RMDN2: variants seen among roughly 807,000 people sequenced by gnomAD.
RMDN2 encodes regulator of microtubule dynamics 2.
RMDN2 carries 61 observed loss-of-function variants against 52.8 expected under a neutral mutation model. The ratio of observed to expected loss-of-function variants is 1.16; its 90% confidence interval spans 0.94 to 1.43. The LOEUF (loss-of-function observed/expected upper bound fraction) is 1.43, where lower values mean the gene tolerates loss of function less well. RMDN2 is among the 40% of genes most tolerant of loss of function. The probability of loss-of-function intolerance (pLI) is 0.00; values close to 1 mark genes in which losing one functional copy is unlikely to be tolerated. For synonymous variants in RMDN2, 180 were observed against 153.1 expected (o/e 1.18, Z -1.30); for missense variants, 592 against 475.3 (o/e 1.25, Z -2.28).
chr2:37,992,274 G>A (rs1412384194), intron 7 of RMDN2, among the ~76,000 whole-genome samples: 1 of 152,150 alleles, frequency 6.6e-6, no homozygotes, highest in African/African-American at 2.4e-5. Context: ...TCTTTATATT[G>A]TGTTACGTAC....
chr2:37,928,708 CCCA>C (rs1666480867), intron 1 of RMDN2: 1 of 152,322 alleles, frequency 6.6e-6, no homozygotes, highest in Non-Finnish European at 1.5e-5. Flanking sequence ...TGCGATAGAG[CCCA>C]CCTCCTTTGC....
rs1400175987 is a variant in RMDN2 at position 37,932,348 on chromosome 2, A to C, written c.452+2619A>C. ...AATCCATTCAACCCTGGGTGGATAC[A>C]GCACATGTTTCAGAGAGCACAGGGT... On this transcript the variant is annotated intron_variant, in intron 2 of 10. Coordinates refer to ENST00000354545, the MANE Select transcript of RMDN2 (RefSeq NM_001170791.3). Among the ~76,000 whole-genome samples the C allele has an allele frequency of 6.8e-4, 103 of 152,196 alleles. 1 individual carries two copies. The highest frequency in any genetic ancestry group is 7.8e-4 in the Non-Finnish European group (53 of 68,030).
intron 10 of RMDN2, among the ~76,000 whole-genome samples, chr2:38,054,920 C>T (rs1233971041): frequency 2.0e-5 from 3 of 152,098 alleles, no homozygotes; most frequent in Non-Finnish European, 4.4e-5. Flanking sequence ...ACAAAGGGCT[C>T]CAAGTGTCCC....
chr2:38,004,140 AT>A lies in RMDN2; in HGVS notation c.1104del (p.Tyr368Ter). On this transcript the variant is annotated frameshift_variant, in exon 10 of 11. Coordinates refer to ENST00000354545, the MANE Select transcript of RMDN2 (RefSeq NM_001170791.3). LOFTEE classifies it high-confidence loss of function. ...NPNYMYLAKCYTDLEENQNAL... is the reference protein window; with the variant it reads ...NPNYMYLAKCXTDLEENQNAL... ...TTGGTTATTTCTCATTTCCAGTGTT[AT>A]ACTGATCTTGAGGAAAACCAGAATG... The A allele has an allele frequency of 6.2e-7, 1 of 1,613,542 alleles. No homozygotes were observed. Among genetic ancestry groups the A allele is most frequent in the Non-Finnish European group, 8.5e-7 (1 of 1,179,576 alleles).
rs141113402 is a variant in RMDN2, at chr2:38,009,178, A to T, written c.1179+4962A>T. Among the ~76,000 whole-genome samples, 138 of 152,050 alleles carry T rather than the reference A, an allele frequency of 9.1e-4. 1 individual carries two copies. The East Asian group carries it at 0.023, about 25-fold the overall frequency. On this transcript the variant is annotated intron_variant, in intron 10 of 10. Transcript: ENST00000354545. ...CAACTTTGGTGAATCTGACAATTAC[A>T]TGTCTTGGAGTTAGTCTTCTCGAGG...
intron 4 of RMDN2, among the ~76,000 whole-genome samples, chr2:37,978,857 A>G (rs943589022): frequency 2.6e-5 from 4 of 152,182 alleles, no homozygotes; most frequent in South Asian, 2.1e-4. Flanking sequence ...AAAGGAGAAT[A>G]TGATGGCAGA....
chr2:37,982,321 C>G (rs1365043122), intron 5 of RMDN2, among the ~76,000 whole-genome samples: 1 of 152,284 alleles, frequency 6.6e-6, no homozygotes, highest in Middle Eastern at 3.4e-3. Context: ...ACTTAAAATT[C>G]CCTGGGGAGG....
At chr2:38,032,468 A>G (rs1680278160) in intron 10 of RMDN2, among the ~76,000 whole-genome samples, 1 of 152,254 alleles carries the variant, frequency 6.6e-6, no homozygotes, top group Non-Finnish European at 1.5e-5. Flanking sequence ...TAGCTTGAAT[A>G]TGCCATAATG....
At chr2:37,958,226 T>C (rs776032603) in intron 2 of RMDN2, among the ~76,000 whole-genome samples, 1 of 152,210 alleles carries the variant, frequency 6.6e-6, no homozygotes, top group Non-Finnish European at 1.5e-5. Context: ...ATCTATAAAT[T>C]ATTTGGGGCA....
intron 2 of RMDN2, among the ~76,000 whole-genome samples, chr2:37,933,830 G>T (rs1667066884): frequency 6.7e-6 from 1 of 148,722 alleles, no homozygotes; most frequent in African/African-American, 2.5e-5. Flanking sequence ...AAAAAATTTA[G>T]ATGTGAAATC....
intron 10 of RMDN2, among the ~76,000 whole-genome samples, chr2:38,009,033 C>G (rs189822513): frequency 2.0e-5 from 3 of 152,126 alleles, no homozygotes; most frequent in Non-Finnish European, 4.4e-5. Flanking sequence ...AATATTGGCC[C>G]CCACTCTCTT....
intron 10 of RMDN2, among the ~76,000 whole-genome samples, chr2:38,033,749 G>C (rs776511495): frequency 5.3e-5 from 8 of 152,182 alleles, no homozygotes; most frequent in Non-Finnish European, 8.8e-5. Flanking sequence ...ATTTACTCTA[G>C]ATTTCAGATC....
At chr2:38,061,646 C>CACACACATACACACATACACACAT (rs138471775) in intron 10 of RMDN2, among the ~76,000 whole-genome samples, 7 of 149,828 alleles carry the variant, frequency 4.7e-5, no homozygotes, top group South Asian at 2.1e-4. Flanking sequence ...CACACACACA[C>CACACACATACACACATACACACAT]ACACACATAC....
chr2:37,950,790 A>G (rs183920122), intron 2 of RMDN2, among the ~76,000 whole-genome samples: 56 of 152,296 alleles, frequency 3.7e-4, no homozygotes, highest in Non-Finnish European at 1.0e-4. Context: ...TAGTCAACAG[A>G]ATATAAGTTT....
At chr2:37,986,457 C>G (rs983167689) in intron 5 of RMDN2, among the ~76,000 whole-genome samples, 1 of 152,024 alleles carries the variant, frequency 6.6e-6, no homozygotes, top group African/African-American at 2.4e-5. Flanking sequence ...TAGCATTACC[C>G]TAATACCAAC....
At chr2:37,962,866 C>T (rs1409783735) in intron 2 of RMDN2, among the ~76,000 whole-genome samples, 2 of 152,136 alleles carry the variant, frequency 1.3e-5, no homozygotes, top group Non-Finnish European at 2.9e-5. Flanking sequence ...CTGCGGGTTG[C>T]AAAAAACATA....
At chr2:37,985,327 C>T (rs1379408240) in intron 5 of RMDN2, among the ~76,000 whole-genome samples, 10 of 152,024 alleles carry the variant, frequency 6.6e-5, no homozygotes, top group South Asian at 2.1e-4. Context: ...TAAGTGTGTA[C>T]GCTGAAAGAG....
chr2:37,943,109 A>G (rs920782055), intron 2 of RMDN2, among the ~76,000 whole-genome samples: 2 of 152,230 alleles, frequency 1.3e-5, no homozygotes, highest in African/African-American at 2.4e-5. Flanking sequence ...TCTCCCTGGA[A>G]AGCCGTTCGC....
At chr2:38,050,273 C>T (rs1681508493) in intron 10 of RMDN2, among the ~76,000 whole-genome samples, 1 of 152,000 alleles carries the variant, frequency 6.6e-6, no homozygotes, top group South Asian at 2.1e-4. Context: ...CTTTTATTTA[C>T]CCTGCCTCAT....
Sources: allele counts gnomAD v4.1 joint callset (sites outside exome capture counted in the v4.1 genomes callset), GRCh38; gene constraint gnomAD v4.1.1; transcripts MANE v1.5; gene names NCBI Gene and HGNC (gene_info 2026-07-23, HGNC 2026-07-21).